VCPIP1: variants seen among roughly 807,000 people sequenced by gnomAD.
VCPIP1 encodes the protein deubiquitinating protein VCPIP1.
In VCPIP1, 8 loss-of-function variants were observed where a neutral mutation model predicts 85.0. The observed-to-expected ratio is 0.09, with a 90% CI of 0.06 to 0.17. VCPIP1 has a LOEUF of 0.17. Among genes scored for constraint, VCPIP1 ranks in the 10% least tolerant of loss-of-function variants. The pLI is 1.00. For synonymous variants in VCPIP1, 543 were observed against 544.5 expected, an observed-to-expected ratio of 1.00 and a Z score of 0.04; for missense variants, 1,070 against 1,486.3, an observed-to-expected ratio of 0.72 and a Z score of 4.61.
chr8:66,639,232 G>A (rs369494687), intron 2 of VCPIP1, among the ~76,000 whole-genome samples: 8 of 148,628 alleles, frequency 5.4e-5, no homozygotes, highest in Admixed American at 4.0e-4. Context: ...CCATCTGTCC[G>A]CCTTGGCCTC....
chr8:66,645,964 T>C (rs1014585223), intron 2 of VCPIP1, among the ~76,000 whole-genome samples: 1 of 145,488 alleles, frequency 6.9e-6, no homozygotes, highest in African/African-American at 2.8e-5. Context: ...AACATCTTCA[T>C]GATTCAAAAG....
At chr8:66,642,434 AT>A (rs1375241793) in intron 2 of VCPIP1, among the ~76,000 whole-genome samples, 5 of 151,676 alleles carry the variant, frequency 3.3e-5, no homozygotes, top group Admixed American at 1.3e-4. Flanking sequence ...TTTGCTTTTT[AT>A]TTTTTTCTCT....
chr8:66,634,694 T>A lies in VCPIP1; in HGVS notation c.3476A>T (p.Glu1159Val), dbSNP rs375532971. The change falls in exon 3 of 3, where the codon GAA becomes GTA. Residue 1159 changes from glutamate to valine, a missense_variant. Physicochemically the swap from Glu to Val is moderately radical, Grantham distance 121. Around this residue, in one of 8 missense-constraint regions of VCPIP1, gnomAD observed 255 missense variants for 289.5 expected, o/e 0.88. Coordinates refer to ENST00000310421, the MANE Select transcript of VCPIP1 (RefSeq NM_025054.5). ...KSGSLQTGLPESFPLTGGTEN... is the reference protein window; with the variant it reads ...KSGSLQTGLPVSFPLTGGTEN... ...AGTACCACCAGTTAAAGGAAAAGAT[T>A]CAGGCAAACCAGTCTGAAGACTCCC... 6.2e-7 allele frequency: 1 copy of A among 1,614,058 alleles called. No homozygotes were observed. The highest frequency in any genetic ancestry group is 8.5e-7 in the Non-Finnish European group (1 of 1,180,034).
At chr8:66,650,379 G>A (rs1484888058) in intron 2 of VCPIP1, among the ~76,000 whole-genome samples, 5 of 152,160 alleles carry the variant, frequency 3.3e-5, no homozygotes, top group Admixed American at 6.5e-5. Flanking sequence ...TGCAATTAAT[G>A]CCTACAGTGG....
Position 66,629,822 on chromosome 8 carries a change from T to C in VCPIP1, c.*4679A>G, listed in dbSNP as rs991679719. Reference sequence around the variant, plus strand: ...CTGATCATGCCACGGCAATCCAGCATGGGCAGCAGAGTGAGACCGTTTTGG... The same window carrying C: ...CTGATCATGCCACGGCAATCCAGCACGGGCAGCAGAGTGAGACCGTTTTGG... On this transcript the variant is annotated 3_prime_UTR_variant, in exon 3 of 3. Coordinates refer to ENST00000310421, the MANE Select transcript of VCPIP1 (RefSeq NM_025054.5). 1 of 152,148 alleles carries C rather than the reference T, an allele frequency of 6.6e-6. No individual in the cohort carries two copies. Among genetic ancestry groups the C allele is most frequent in the African/African-American group, 2.4e-5 (1 of 41,434 alleles). The allele number at this position is 152,148 out of a possible 1,614,324, so 9.4% of individuals were successfully genotyped here.
chr8:66,634,833 C>G lies in VCPIP1; in HGVS notation c.3337G>C (p.Val1113Leu). ...TCCATTGAAGCCTGAATAGAAGAAA[C>G]CATTTCCTGCAATTTTTTTCGCTGG... Reference protein sequence around the residue: ...EAQRKKLQEMVSSIQASMDRH... With the variant: ...EAQRKKLQEMLSSIQASMDRH... Residue 1113 changes from valine to leucine, a missense_variant, in exon 3 of 3, where the codon GTT (valine) becomes CTT (leucine). By Grantham distance (32) the Val-to-Leu change is conservative. Coordinates refer to ENST00000310421, the MANE Select transcript of VCPIP1 (RefSeq NM_025054.5). The G allele has an allele frequency of 2.5e-6, 4 of 1,614,188 alleles. No homozygotes were observed. The highest frequency in any genetic ancestry group is 3.4e-6 in the Non-Finnish European group (4 of 1,180,050).
chr8:66,664,044 CCTTAA>C (rs1169152144), intron 1 of VCPIP1, among the ~76,000 whole-genome samples, 200 bp downstream of exon 1: 1 of 152,060 alleles, frequency 6.6e-6, no homozygotes, highest in Admixed American at 6.6e-5. Context: ...TGAGGGACTA[CCTTAA>C]CTTTCTATTT....
chr8:66,656,874 A>C (rs1235091105), intron 1 of VCPIP1, among the ~76,000 whole-genome samples: 1 of 117,630 alleles, frequency 8.5e-6, no homozygotes, highest in African/African-American at 6.2e-5. Flanking sequence ...CTACCAAAGT[A>C]GGCCTGGGAT....
At chr8:66,661,131 G>T (rs1449714450) in intron 1 of VCPIP1, among the ~76,000 whole-genome samples, 1 of 152,136 alleles carries the variant, frequency 6.6e-6, no homozygotes, top group African/African-American at 2.4e-5. Context: ...TATAATACAG[G>T]CTATGCACTT....
In VCPIP1 at chr8:66,630,253, T is replaced by G. The variant is rs1810821427; in HGVS notation, c.*4248A>C. The G allele has an allele frequency of 6.6e-6, 1 of 152,246 alleles. No individual in the cohort carries two copies. Among genetic ancestry groups the G allele is most frequent in the African/African-American group, 2.4e-5 (1 of 41,466 alleles). 9.4% of individuals were successfully genotyped at this position (152,246 alleles called of 1,614,324 possible). ...AAAATAATGGGCAACAGCCAGTGCC[T>G]TAAGGGTGAAATAACATCTATACTA... On this transcript the variant is annotated 3_prime_UTR_variant, in exon 3 of 3. Transcript: ENST00000310421.
intron 1 of VCPIP1, among the ~76,000 whole-genome samples, chr8:66,663,650 A>G (rs553527252): frequency 6.2e-4 from 95 of 152,238 alleles, no homozygotes; most frequent in Non-Finnish European, 1.2e-3. Flanking sequence ...ACTACAACTT[A>G]TAACAGTTCA....
In VCPIP1 at chr8:66,652,041, G is replaced by A. The variant is rs572422235; in HGVS notation, c.2711-497C>T. On this transcript the variant is annotated intron_variant, in intron 1 of 2. Coordinates refer to ENST00000310421, the MANE Select transcript of VCPIP1 (RefSeq NM_025054.5). ...AAAAAAAAAAAAATAGCTGGACGTGGTGGCATGTGCCTGTCATCCCAGCTA... is the reference window on the plus strand; with the variant it reads ...AAAAAAAAAAAAATAGCTGGACGTGATGGCATGTGCCTGTCATCCCAGCTA... Among the ~76,000 whole-genome samples, 10 of 152,088 alleles carry A rather than the reference G, an allele frequency of 6.6e-5. 1 individual carries two copies. The South Asian group carries it at 1.9e-3, about 28-fold the overall frequency.
chr8:66,634,784 G>A lies in VCPIP1; in HGVS notation c.3386C>T (p.Thr1129Ile), dbSNP rs375600472. 1 of 1,614,196 alleles carries A rather than the reference G, an allele frequency of 6.2e-7. No individual in the cohort carries two copies. The change falls in exon 3 of 3, where the codon ACA becomes ATA. Residue 1129 changes from threonine (T) to isoleucine (I), a missense_variant. Coordinates refer to ENST00000310421, the MANE Select transcript of VCPIP1 (RefSeq NM_025054.5). ...SMDRHLRDQS[T>I]EQSPSDLPQR... Reference sequence around the variant, plus strand: ...AGGAAGATCAGATGGTGACTGCTCTGTACTTTGATCCCGAAGGTGCCTGTC... The same window carrying A: ...AGGAAGATCAGATGGTGACTGCTCTATACTTTGATCCCGAAGGTGCCTGTC...
rs995092426 is a variant in VCPIP1, at chr8:66,666,368, G to A, written c.591C>T (p.Asp197=). 1 of 1,614,018 alleles carries A rather than the reference G, an allele frequency of 6.2e-7. No homozygotes were observed. The highest frequency in any genetic ancestry group is 8.5e-7 in the Non-Finnish European group (1 of 1,180,028). The change falls in exon 1 of 3, where the codon GAC becomes GAT. Residue 197 remains aspartate (D), a synonymous_variant. Coordinates refer to ENST00000310421, the MANE Select transcript of VCPIP1 (RefSeq NM_025054.5). This position sits in a 1 kb window ranked among gnomAD's most constrained non-coding sequence, Gnocchi z 6.3. The part of the protein sequence containing the change: ...SLLYLHDTLE[D]IKRANKSQEC... ...CCTGGCTTTTATTGGCCCGCTTAATGTCCTCCAGAGTGTCATGCAAATACA... is the reference window on the plus strand; with the variant it reads ...CCTGGCTTTTATTGGCCCGCTTAATATCCTCCAGAGTGTCATGCAAATACA...
chr8:66,639,121 ACTAC>A (rs1286780905), intron 2 of VCPIP1, among the ~76,000 whole-genome samples: 1 of 150,868 alleles, frequency 6.6e-6, no homozygotes, highest in Non-Finnish European at 1.5e-5. Context: ...AGTAGCTGAG[ACTAC>A]GGGCACATGC....
chr8:66,651,320 A>C (rs1329040929), intron 2 of VCPIP1, 138 bp downstream of exon 2: 9 of 622,920 alleles, frequency 1.4e-5, no homozygotes, highest in Non-Finnish European at 2.4e-5. Context: ...AATTCATTTT[A>C]ATTAGGCAAA....
intron 2 of VCPIP1, among the ~76,000 whole-genome samples, chr8:66,647,237 A>G (rs113008556): frequency 0.13 from 20,230 of 151,684 alleles, 3,226 homozygotes; most frequent in African/African-American, 0.38. Context: ...GCTACTTGGG[A>G]GACTGAGGCA....
In VCPIP1 at chr8:66,632,807, A is replaced by G. The variant is rs189156142; in HGVS notation, c.*1694T>C. 3.3e-5 allele frequency: 5 copies of G among 152,252 alleles called. No homozygotes were observed. Among genetic ancestry groups the G allele is most frequent in the Non-Finnish European group, 5.9e-5 (4 of 67,950 alleles). 9.4% of individuals were successfully genotyped at this position (152,252 alleles called of 1,614,324 possible). ...GTAGTAAATAGTATTTGGTAGCTAC[A>G]GCTCTTATTTTATGCAAAAATAGTG... On this transcript the variant is annotated 3_prime_UTR_variant, in exon 3 of 3. Coordinates refer to ENST00000310421, the MANE Select transcript of VCPIP1 (RefSeq NM_025054.5).
In VCPIP1 at chr8:66,635,122, A is replaced by G. The variant is rs1475357213; in HGVS notation, c.3048T>C (p.Ser1016=). 1 of 1,614,068 alleles carries G rather than the reference A, an allele frequency of 6.2e-7. No individual in the cohort carries two copies. Among genetic ancestry groups the G allele is most frequent in the Non-Finnish European group, 8.5e-7 (1 of 1,180,040 alleles). Residue 1016 remains serine, a synonymous_variant, in exon 3 of 3, where the codon TCT becomes TCC. Coordinates refer to ENST00000310421, the MANE Select transcript of VCPIP1 (RefSeq NM_025054.5). ...AGGCAGTTACGTTATGAAGTTGCTC[A>G]GATTTCTTTTTCACTACTCCACCAC... ...LGSGGVVKKK[S]EQLHNVTAFQ...
Sources: gnomAD v4.1 joint callset for allele counts (sites outside exome capture counted in the v4.1 genomes callset) on GRCh38, gnomAD v4.1.1 for gene constraint, gnomAD v4.1.1 regional missense constraint, Gnocchi (gnomAD v3.1) non-coding constraint, MANE v1.5 for transcripts, NCBI Gene and HGNC (gene_info 2026-07-23, HGNC 2026-07-21) for gene names.